MIA2: variants seen among roughly 807,000 people sequenced by gnomAD.
MIA2 encodes melanoma inhibitory activity protein 2.
In MIA2, 127 loss-of-function variants were observed where a neutral mutation model predicts 167.8. The observed-to-expected ratio is 0.76, with a 90% CI of 0.66 to 0.88. The LOEUF (loss-of-function observed/expected upper bound fraction) is 0.88. Ranked by LOEUF, MIA2 falls within the 40% of genes least tolerant of loss-of-function variation. The pLI is 0.00. For missense variants in MIA2, 1,690 were observed against 1,624.7 expected (o/e 1.04, Z -0.69); for synonymous variants, 552 against 541.9 (o/e 1.02, Z -0.26).
chr14:39,351,572 A>G (rs1025096379), downstream of MIA2, among the ~76,000 whole-genome samples: 1 of 152,014 alleles, frequency 6.6e-6, no homozygotes, highest in Non-Finnish European at 1.5e-5. Context: ...GCCTTTTGGG[A>G]GGTGATTAAG....
At chr14:39,380,536 G>T (rs1447192667) in intron 23 of MIA2, among the ~76,000 whole-genome samples, 4 of 151,682 alleles carry the variant, frequency 2.6e-5, no homozygotes, top group Non-Finnish European at 5.9e-5. Flanking sequence ...CTACTAAAAA[G>T]ACAAAAATTA....
rs779531857 is a variant in MIA2, at chr14:39,388,489, T to G, written c.*1537T>G. Reference sequence around the variant, plus strand: ...ACCCAAATGTTAATATGCCATTCATTTGAGAAATATATTTGAGAGTCTTCT... The same window carrying G: ...ACCCAAATGTTAATATGCCATTCATGTGAGAAATATATTTGAGAGTCTTCT... On this transcript the variant is annotated 3_prime_UTR_variant, in exon 24 of 24. Coordinates refer to the MIA2 transcript ENST00000341502. The surrounding 1 kb of genome is among the most constrained non-coding windows in gnomAD (Gnocchi z 4.1). 1 of 154,800 alleles carries G rather than the reference T, an allele frequency of 6.5e-6. No homozygotes were observed. The highest frequency in any genetic ancestry group is 1.4e-5 in the Non-Finnish European group (1 of 69,682). The allele number at this position is 154,800 out of a possible 1,614,324, so 9.6% of individuals were successfully genotyped here.
At position 39,258,431 on chromosome 14, in the gene MIA2, C is replaced by T. The variant is rs141889378; in HGVS notation, c.1887+5260C>T. Among the ~76,000 whole-genome samples the T allele has an allele frequency of 1.6e-4, 24 of 152,222 alleles. No homozygotes were observed. In the East Asian group the frequency reaches 4.6e-3, roughly 29 times the overall value. The stretch of plus-strand genomic sequence containing the variant: ...AGTTCTTATGCTGTGTTTTTCAGCT[C>T]CATCAGGTCATTTGTTCCTCTCTAA... On this transcript the variant is annotated intron_variant, in intron 6 of 28. Transcript: ENST00000640607.
At chr14:39,327,855 T>C (rs2067898164) in intron 25 of MIA2, among the ~76,000 whole-genome samples, 1 of 152,200 alleles carries the variant, frequency 6.6e-6, no homozygotes, top group Admixed American at 6.5e-5. Context: ...ACATTTTCTT[T>C]ATGCAGTCTG....
intron 1 of MIA2, among the ~76,000 whole-genome samples, chr14:39,235,181 G>C (rs1056915545): frequency 3.3e-5 from 5 of 151,702 alleles, no homozygotes; most frequent in Non-Finnish European, 7.4e-5. Context: ...GATTATAGGC[G>C]CACGCCACCA....
chr14:39,279,642 A>G, intron 9 of MIA2, 105 bp downstream of exon 9: 1 of 702,516 alleles, frequency 1.4e-6, no homozygotes, highest in Non-Finnish European at 2.3e-6. Flanking sequence ...CTTTGTTTGC[A>G]GAGTATGAGA....
At chr14:39,268,636 A>G (rs749471800) in intron 6 of MIA2, among the ~76,000 whole-genome samples, 3 of 152,184 alleles carry the variant, frequency 2.0e-5, no homozygotes, top group Non-Finnish European at 4.4e-5. Flanking sequence ...GAGCTCTTGA[A>G]GGCTTTTCCG....
intron 26 of MIA2, among the ~76,000 whole-genome samples, chr14:39,346,449 T>G (rs1003497266): frequency 7.9e-5 from 12 of 152,122 alleles, no homozygotes; most frequent in Non-Finnish European, 1.5e-4. Context: ...CATTTCATGC[T>G]TAGATATAAC....
chr14:39,355,674 A>T (rs2074504318), downstream of MIA2, among the ~76,000 whole-genome samples: 1 of 152,066 alleles, frequency 6.6e-6, no homozygotes, highest in Admixed American at 6.6e-5. Context: ...ATTCAGTATG[A>T]TATTGGGTGT....
rs2061217549 is a variant in MIA2, at chr14:39,294,925, G to A, written c.2392G>A (p.Ala798Thr). ...ACTTGACATTTTTTGTTTCACTTAG[G>A]CCAAAATGACCTTCAAGATATTTCA... ...SKSLKSQVAE[A>T]KMTFKIFQMN... The change falls in exon 13 of 29, where the codon GCC (alanine) becomes ACC (threonine). Residue 798 changes from alanine to threonine, a missense_variant and splice_region_variant. Physicochemically the swap from Ala to Thr is moderately conservative, Grantham distance 58. Coordinates refer to ENST00000640607, the MANE Select transcript of MIA2 (RefSeq NM_001329214.4). 1 of 1,606,670 alleles carries A rather than the reference G, an allele frequency of 6.2e-7. No homozygotes were observed. The highest frequency in any genetic ancestry group is 8.5e-7 in the Non-Finnish European group (1 of 1,174,930).
rs747171047 is a variant in MIA2 at position 39,347,684 on chromosome 14, AC to A, written c.3779-28del. ...CTAGGAATAAAGTGATAAATCATGT[AC>A]TTTTCATGGTTTAACTTTTATGTCT... On this transcript the variant is annotated intron_variant, in intron 26 of 28. Transcript: ENST00000640607. The A allele has an allele frequency of 2.8e-5, 45 of 1,606,842 alleles. 2 individuals carry two copies. In the South Asian group the frequency reaches 4.9e-4, roughly 17 times the overall value.
chr14:39,247,977 G>T lies in MIA2; in HGVS notation c.1403G>T (p.Trp468Leu), dbSNP rs2054386575. 6.3e-7 allele frequency: 1 copy of T among 1,594,728 alleles called. No homozygotes were observed. The highest frequency in any genetic ancestry group is 1.4e-5 in the African/African-American group (1 of 73,540). Residue 468 changes from tryptophan (W) to leucine (L), a missense_variant, in exon 4 of 29, where the codon TGG becomes TTG. By Grantham distance (61) the Trp-to-Leu change is moderately conservative (BLOSUM62 -2). Coordinates refer to ENST00000640607, the MANE Select transcript of MIA2 (RefSeq NM_001329214.4). The part of the protein sequence containing the change: ...KKFLYNFDNP[W>L]NFQNIPKETE... The stretch of plus-strand genomic sequence containing the variant: ...TTCTTGTATAATTTTGACAACCCTT[G>T]GAACTTCCAGAACATTCCAAAGGAA...
At chr14:39,253,246 T>G (rs1306995689) in intron 6 of MIA2, 75 bp downstream of exon 6, 1 of 1,560,266 alleles carries the variant, frequency 6.4e-7, no homozygotes, top group Non-Finnish European at 8.8e-7. Context: ...CAAAATATGT[T>G]TGAATGAATC....
In MIA2 at chr14:39,238,793, C is replaced by CAAAAAAAAAAAAAAAA. The variant is rs769534317; in HGVS notation, c.249+1741_250-1750dup. Among the ~76,000 whole-genome samples, 231 of 30,730 alleles carry CAAAAAAAAAAAAAAAA rather than the reference C, an allele frequency of 7.5e-3. 9 individuals are homozygous for CAAAAAAAAAAAAAAAA. Among genetic ancestry groups the CAAAAAAAAAAAAAAAA allele is most frequent in the African/African-American group, 0.029 (162 of 5,504 alleles). 20.2% of individuals were successfully genotyped at this position (30,730 alleles called of 152,430 possible). A position where few individuals can be genotyped will look rare whatever the true frequency, so the allele number is the denominator to read the frequency against. ...TGGGTTACAAAGTGAGACCCTGTCTCAAAAAAAAAAAAAAAAAACCCAAAA... is the reference window on the plus strand; with the variant it reads ...TGGGTTACAAAGTGAGACCCTGTCTCAAAAAAAAAAAAAAAAAAAAAAAAAAAAAAAAAACCCAAAA... On this transcript the variant is annotated intron_variant, in intron 2 of 28. Transcript: ENST00000640607.
At chr14:39,293,643 A>G (rs952654494) in intron 11 of MIA2, among the ~76,000 whole-genome samples, 2 of 152,182 alleles carry the variant, frequency 1.3e-5, no homozygotes, top group African/African-American at 2.4e-5. Context: ...AATCATGTCC[A>G]TAGTGTATAT....
At chr14:39,326,737 T>A (rs985655459) in intron 24 of MIA2, 127 bp from the exon 25 acceptor site, 2 of 719,660 alleles carry the variant, frequency 2.8e-6, no homozygotes, top group Non-Finnish European at 4.1e-6. Context: ...CAATTTACTT[T>A]CTACACTGTT....
rs3825549 is a variant in MIA2, at chr14:39,247,604, T to C, written c.1030T>C (p.Ser344Pro). ...TCCACCACTACAAGATTTTCCCAAT[T>C]CCATATCATCTGATAAAGAAGCCAC... ...SNPPLQDFPN[S>P]ISSDKEATVP... is the part of the protein sequence containing the mutation. The change falls in exon 4 of 29, where the codon TCC (serine) becomes CCC (proline). Residue 344 changes from serine (S) to proline (P), a missense_variant. Physicochemically the swap from Ser to Pro is moderately conservative, Grantham distance 74. Transcript: ENST00000640607. The C allele has an allele frequency of 0.084, 135,507 of 1,613,706 alleles. 6,678 individuals carry two copies. Among genetic ancestry groups the C allele is most frequent in the South Asian group, 0.18 (16,744 of 91,030 alleles).
chr14:39,312,114 C>T (rs1257117340), intron 18 of MIA2, among the ~76,000 whole-genome samples: 2 of 152,148 alleles, frequency 1.3e-5, no homozygotes, highest in Non-Finnish European at 2.9e-5. Flanking sequence ...AGGCATGAGC[C>T]ACTGCACCCG....
chr14:39,285,850 C>T (rs867000427), intron 9 of MIA2, among the ~76,000 whole-genome samples: 5 of 150,910 alleles, frequency 3.3e-5, no homozygotes, highest in South Asian at 2.1e-4. Context: ...GACGGGGTCG[C>T]GGCCGGGCAG....
Sources: allele counts gnomAD v4.1 joint callset (sites outside exome capture counted in the v4.1 genomes callset), GRCh38; gene constraint gnomAD v4.1.1; non-coding constraint Gnocchi (gnomAD v3.1); transcripts MANE v1.5; gene names NCBI Gene and HGNC (gene_info 2026-07-23, HGNC 2026-07-21).